The following TMPPE variants were observed in gnomAD, a reference collection of about 807,000 sequenced individuals.
The protein encoded by TMPPE is transmembrane protein with metallophosphoesterase domain.
In TMPPE, 16 loss-of-function variants were observed where a neutral mutation model predicts 22.6. That is an observed-to-expected ratio of 0.71 (90% CI 0.48 to 1.08). The LOEUF (loss-of-function observed/expected upper bound fraction) is 1.08, where lower values mean the gene tolerates loss of function less well. Ranked by LOEUF, TMPPE falls within the 50% of genes least tolerant of loss-of-function variation. The pLI is 0.00. For synonymous variants in TMPPE, 240 were observed against 245.3 expected, an observed-to-expected ratio of 0.98 and a Z score of 0.20; for missense variants, 526 against 584.3, an observed-to-expected ratio of 0.90 and a Z score of 1.03.
chr3:33,091,921 C>T lies in TMPPE; in HGVS notation c.*913G>A. Reference sequence around the variant, plus strand: ...TTCTGGCAAAAGGGCAAAAGCACCGCTTTTACTGGGAGGTACAAGACCTGG... The same window carrying T: ...TTCTGGCAAAAGGGCAAAAGCACCGTTTTTACTGGGAGGTACAAGACCTGG... On this transcript the variant is annotated 3_prime_UTR_variant, in exon 2 of 2. Transcript: ENST00000342462. The T allele has an allele frequency of 1.0e-6, 1 of 985,466 alleles. No individual in the cohort carries two copies. The highest frequency in any genetic ancestry group is 1.2e-6 in the Non-Finnish European group (1 of 829,958). The allele number at this position is 985,466 out of a possible 1,614,324, so 61.0% of individuals were successfully genotyped here. A position where few individuals can be genotyped will look rare whatever the true frequency, so the allele number is the denominator to read the frequency against.
In TMPPE at chr3:33,092,754, G is replaced by A; in HGVS notation, c.*80C>T. Reference sequence around the variant, plus strand: ...AGGATGAGTGGGCAAGGCTGGAGGGGAAAAGCAGGCAAACCACTCTGAAGC... The same window carrying A: ...AGGATGAGTGGGCAAGGCTGGAGGGAAAAAGCAGGCAAACCACTCTGAAGC... On this transcript the variant is annotated 3_prime_UTR_variant, in exon 2 of 2. Coordinates refer to ENST00000342462, the MANE Select transcript of TMPPE (RefSeq NM_001039770.3). The A allele has an allele frequency of 6.6e-7, 1 of 1,517,112 alleles. No individual in the cohort carries two copies. Among genetic ancestry groups the A allele is most frequent in the Admixed American group, 2.2e-5 (1 of 46,114 alleles). The allele number at this position is 1,517,112 out of a possible 1,614,324, so 94.0% of individuals were successfully genotyped here.
At chr3:33,096,383 C>T in intron 1 of TMPPE, 2 of 982,076 alleles carry the variant, frequency 2.0e-6, no homozygotes, top group Non-Finnish European at 2.4e-6. Context: ...TGGCATCCCC[C>T]GGCAGCCTGC....
Position 33,093,965 on chromosome 3 carries a change from T to C in TMPPE, c.231A>G (p.Ala77=). The C allele has an allele frequency of 6.2e-7, 1 of 1,614,156 alleles. No homozygotes were observed. The highest frequency in any genetic ancestry group is 8.5e-7 in the Non-Finnish European group (1 of 1,180,022). The part of the protein sequence containing the change: ...TVSNLCHSPA[A]ESTCFQLWKV... ...TCCAAAGCTGAAAACAGGTTGACTC[T>C]GCAGCTGGGGAGTGGCAGAGGTTGC... is the stretch of plus-strand genomic sequence containing the variant. The change falls in exon 2 of 2, where the codon GCA becomes GCG. Residue 77 remains alanine (A), a synonymous_variant. Transcript: ENST00000342462. This position sits in a 1 kb window ranked among gnomAD's most constrained non-coding sequence, Gnocchi z 6.0.
In TMPPE at chr3:33,091,285, AG is replaced by A; in HGVS notation, c.*1548del. On this transcript the variant is annotated 3_prime_UTR_variant, in exon 2 of 2. Coordinates refer to ENST00000342462, the MANE Select transcript of TMPPE (RefSeq NM_001039770.3). The stretch of plus-strand genomic sequence containing the variant: ...ATACCGTGGCTGCCTGGGAACAAAA[AG>A]GGTGGTCTCCAGATCCCCCAGAACC... 1 of 985,542 alleles carries A rather than the reference AG, an allele frequency of 1.0e-6. No homozygotes were observed. The highest frequency in any genetic ancestry group is 6.1e-5 in the Admixed American group (1 of 16,288). The allele number at this position is 985,542 out of a possible 1,614,324, so 61.0% of individuals were successfully genotyped here.
Position 33,094,221 on chromosome 3 carries a change from C to T in TMPPE, c.-26G>A. On this transcript the variant is annotated 5_prime_UTR_variant, in exon 2 of 2. Coordinates refer to ENST00000342462, the MANE Select transcript of TMPPE (RefSeq NM_001039770.3). ...TTTCTCTGCTCCTAGTAGGCTCCCC[C>T]ACCAGTTCTGTGCTGGTGGACTCTG... 1.3e-6 allele frequency: 2 copies of T among 1,570,318 alleles called. No individual in the cohort carries two copies. The highest frequency in any genetic ancestry group is 4.5e-5 in the East Asian group (2 of 44,422).
At chr3:33,094,341 A>G in intron 1 of TMPPE, 38 bp from the exon 2 acceptor site, 1 of 1,454,128 alleles carries the variant, frequency 6.9e-7, no homozygotes, top group Middle Eastern at 2.4e-4. Context: ...GTGGGATATT[A>G]GAGTGTCCTT....
Position 33,091,043 on chromosome 3 carries a change from A to G in TMPPE, c.*1791T>C. 1.0e-6 allele frequency: 1 copy of G among 985,476 alleles called. No individual in the cohort carries two copies. Among genetic ancestry groups the G allele is most frequent in the African/African-American group, 1.7e-5 (1 of 57,376 alleles). The allele number at this position is 985,476 out of a possible 1,614,324, so 61.0% of individuals were successfully genotyped here. ...CGTAACAGGTGAGTCAAACATTACC[A>G]GCCGCATCAAACAGTGGAAGTGAAA... On this transcript the variant is annotated 3_prime_UTR_variant, in exon 2 of 2. Transcript: ENST00000342462.
rs764118047 is a variant in TMPPE at position 33,093,286 on chromosome 3, T to C, written c.910A>G (p.Asn304Asp). The stretch of plus-strand genomic sequence containing the variant: ...GCCCGTGTGGCGGAAATCTTCACGT[T>C]CTCATTATGAAGAGGCTGGACATGC... ...SLHVQPLHNENVKISATRAQR... is the reference protein window; with the variant it reads ...SLHVQPLHNEDVKISATRAQR... Residue 304 changes from asparagine (N) to aspartate (D), a missense_variant, in exon 2 of 2, where the codon AAC (asparagine) becomes GAC (aspartate). Transcript: ENST00000342462. This position sits in a 1 kb window ranked among gnomAD's most constrained non-coding sequence, Gnocchi z 6.0. 6.2e-7 allele frequency: 1 copy of C among 1,614,104 alleles called. No homozygotes were observed. Among genetic ancestry groups the C allele is most frequent in the Non-Finnish European group, 8.5e-7 (1 of 1,180,018 alleles).
In TMPPE at chr3:33,097,086, G is replaced by A; in HGVS notation, c.-476C>T. The A allele has an allele frequency of 1.2e-6, 2 of 1,612,474 alleles. No homozygotes were observed. The highest frequency in any genetic ancestry group is 1.7e-6 in the Non-Finnish European group (2 of 1,179,050). On this transcript the variant is annotated 5_prime_UTR_variant, in exon 1 of 2. Coordinates refer to ENST00000342462, the MANE Select transcript of TMPPE (RefSeq NM_001039770.3). ...GGATGCGAACCAGGAACCCCGGCAT[G>A]ACCACCAGCCTCCCGGCTCTGCAGT...
intron 1 of TMPPE, among the ~76,000 whole-genome samples, chr3:33,096,154 G>A (rs914875540): frequency 1.1e-4 from 16 of 152,114 alleles, no homozygotes; most frequent in African/African-American, 3.1e-4. Context: ...CACCCTGGAG[G>A]AACCAAAGTT....
At position 33,093,979 on chromosome 3, in the gene TMPPE, G is replaced by C. The variant is rs1216373025; in HGVS notation, c.217C>G (p.His73Asp). 6.2e-7 allele frequency: 1 copy of C among 1,614,178 alleles called. No homozygotes were observed. The highest frequency in any genetic ancestry group is 2.2e-5 in the East Asian group (1 of 44,882). ...IWRSTVSNLC[H>D]SPAAESTCFQ... ...CAGGTTGACTCTGCAGCTGGGGAGT[G>C]GCAGAGGTTGCTCACTGTGCTGCGC... The change falls in exon 2 of 2, where the codon CAC (histidine) becomes GAC (aspartate). Residue 73 changes from histidine (H) to aspartate (D), a missense_variant. Coordinates refer to ENST00000342462, the MANE Select transcript of TMPPE (RefSeq NM_001039770.3). The surrounding 1 kb of genome is among the most constrained non-coding windows in gnomAD (Gnocchi z 6.0).
chr3:33,094,892 T>C (rs1700943016), intron 1 of TMPPE, among the ~76,000 whole-genome samples: 1 of 152,240 alleles, frequency 6.6e-6, no homozygotes, highest in South Asian at 2.1e-4. Flanking sequence ...TGTAATGATG[T>C]AGTATTTCTT....
At chr3:33,095,257 G>A (rs1408914036) in intron 1 of TMPPE, among the ~76,000 whole-genome samples, 1 of 148,954 alleles carries the variant, frequency 6.7e-6, no homozygotes, top group Non-Finnish European at 1.5e-5. Flanking sequence ...TTAATTTCTA[G>A]GACAGCTAAA....
At chr3:33,096,499 G>T in intron 1 of TMPPE, 1 of 985,176 alleles carries the variant, frequency 1.0e-6, no homozygotes, top group South Asian at 4.7e-5. Flanking sequence ...TGGTGAGAAA[G>T]GAACAAGATG....
In TMPPE at chr3:33,093,241, T is replaced by TGCCACC. The variant is rs1444285059; in HGVS notation, c.949_954dup (p.Gly317_Gly318dup). On this transcript the variant is annotated inframe_insertion, in exon 2 of 2. Coordinates refer to ENST00000342462, the MANE Select transcript of TMPPE (RefSeq NM_001039770.3). The surrounding 1 kb of genome is among the most constrained non-coding windows in gnomAD (Gnocchi z 6.0). ...TCCTCATCCTCACTCCCACTGCCAC[T>TGCCACC]GCCACCACCACCACGTTGGGCCCGT... The TGCCACC allele has an allele frequency of 1.9e-6, 3 of 1,613,946 alleles. No individual in the cohort carries two copies. The highest frequency in any genetic ancestry group is 2.5e-6 in the Non-Finnish European group (3 of 1,179,990).
chr3:33,090,926 T>TA lies in TMPPE; in HGVS notation c.*1907dup, dbSNP rs140320259. ...AAGAAAAGAGGTAAGGATGCAAAAT[T>TA]AAAAAAAAAATAGGACTTAATGAAA... On this transcript the variant is annotated 3_prime_UTR_variant, in exon 2 of 2. Transcript: ENST00000342462. The TA allele has an allele frequency of 2.6e-4, 237 of 911,412 alleles. No individual in the cohort carries two copies. Among genetic ancestry groups the TA allele is most frequent in the Middle Eastern group, 5.7e-4 (1 of 1,740 alleles). 56.5% of individuals were successfully genotyped at this position (911,412 alleles called of 1,614,324 possible). A position where few individuals can be genotyped will look rare whatever the true frequency, so the allele number is the denominator to read the frequency against.
At chr3:33,094,982 A>C (rs950921955) in intron 1 of TMPPE, among the ~76,000 whole-genome samples, 17 of 152,194 alleles carry the variant, frequency 1.1e-4, no homozygotes, top group African/African-American at 4.1e-4. Flanking sequence ...AGGCCGAGGC[A>C]GGCAGATTAC....
Position 33,096,838 on chromosome 3 carries a change from G to T in TMPPE, c.-228C>A. The T allele has an allele frequency of 5.1e-6, 7 of 1,361,302 alleles. No homozygotes were observed. The highest frequency in any genetic ancestry group is 1.7e-5 in the South Asian group (1 of 57,602). The allele number at this position is 1,361,302 out of a possible 1,614,324, so 84.3% of individuals were successfully genotyped here. On this transcript the variant is annotated 5_prime_UTR_variant, in exon 1 of 2. Transcript: ENST00000342462. ...CGCGCGCCCCGCCCGGCCCGCCCCC[G>T]ACGGGAAGGCCGGTCCACTGCCTGC...
chr3:33,095,305 C>G (rs1476116168), intron 1 of TMPPE, among the ~76,000 whole-genome samples: 1 of 151,032 alleles, frequency 6.6e-6, no homozygotes, highest in Non-Finnish European at 1.5e-5. Context: ...GTCACGAGGT[C>G]AGGAGATCGA....
Sources: gnomAD v4.1 joint callset for allele counts (sites outside exome capture counted in the v4.1 genomes callset) on GRCh38, gnomAD v4.1.1 for gene constraint, Gnocchi (gnomAD v3.1) non-coding constraint, MANE v1.5 for transcripts, NCBI Gene and HGNC (gene_info 2026-07-23, HGNC 2026-07-21) for gene names.